Variants in CYP2B6 observed in about 807,000 individuals in gnomAD.
CYP2B6 encodes cytochrome P450 2B6.
In CYP2B6, 35 loss-of-function variants were observed where a neutral mutation model predicts 43.4. The observed-to-expected ratio is 0.81, with a 90% confidence interval of 0.62 to 1.07. The LOEUF (loss-of-function observed/expected upper bound fraction) is 1.07, where lower values mean the gene tolerates loss of function less well. Among genes scored for constraint, CYP2B6 ranks in the 50% least tolerant of loss-of-function variants. The pLI is 0.00. For synonymous variants in CYP2B6, 239 were observed against 239.2 expected (o/e 1.00, Z 0.01); for missense variants, 624 against 632.8 (o/e 0.99, Z 0.15).
chr19:41,000,216 G>A (rs1293556603), intron 1 of CYP2B6, among the ~76,000 whole-genome samples: 1 of 152,064 alleles, frequency 6.6e-6, no homozygotes, highest in African/African-American at 2.4e-5. Flanking sequence ...CCCATCATAT[G>A]CTCTCATACA....
At chr19:41,006,857 T>C (rs367886616) in intron 3 of CYP2B6, 48 bp from the exon 4 acceptor site, 2 of 1,576,642 alleles carry the variant, frequency 1.3e-6, no homozygotes, top group Non-Finnish European at 1.7e-6. Context: ...CAGCCTGATG[T>C]TCCCCAGGCA....
At chr19:41,010,329 G>A (rs539428659) in intron 6 of CYP2B6, among the ~76,000 whole-genome samples, 194 bp downstream of exon 6, 1 of 151,954 alleles carries the variant, frequency 6.6e-6, no homozygotes, top group Non-Finnish European at 1.5e-5. Context: ...CTGTCCATGC[G>A]TTCTCCCACT....
chr19:41,009,276 T>C lies in CYP2B6; in HGVS notation c.703T>C (p.Tyr235His). 6.2e-7 allele frequency: 1 copy of C among 1,613,006 alleles called. No homozygotes were observed. Among genetic ancestry groups the C allele is most frequent in the Non-Finnish European group, 8.5e-7 (1 of 1,179,498 alleles). The change falls in exon 5 of 9, where the codon TAC (tyrosine) becomes CAC (histidine). Residue 235 changes from tyrosine to histidine, a missense_variant. Tyr to His is a moderately conservative substitution (Grantham distance 83). Transcript: ENST00000324071. ...CTTTCCTGGGGCACACAGGCAAGTTTACAAAAACCTGCAGGAAATCAATGC... is the reference window on the plus strand; with the variant it reads ...CTTTCCTGGGGCACACAGGCAAGTTCACAAAAACCTGCAGGAAATCAATGC... ...KYFPGAHRQVYKNLQEINAYI... is the reference protein window; with the variant it reads ...KYFPGAHRQVHKNLQEINAYI...
chr19:41,013,189 T>A (rs1969311317), intron 8 of CYP2B6, among the ~76,000 whole-genome samples: 1 of 152,048 alleles, frequency 6.6e-6, no homozygotes, highest in South Asian at 2.1e-4. Flanking sequence ...AAATTTAAAG[T>A]CCAGCAGGGA....
Position 40,993,843 on chromosome 19 carries a change from C to G in CYP2B6, c.171+2367C>G, listed in dbSNP as rs567222010. Among the ~76,000 whole-genome samples the G allele has an allele frequency of 5.3e-5, 8 of 152,174 alleles. 1 individual carries two copies. The South Asian group carries it at 1.7e-3, about 32-fold the overall frequency. ...AGTGAATTCACTGGAAAGATAAGAG[C>G]AATATTTGGTTTTCTTCAGCACCAT... is the stretch of plus-strand genomic sequence containing the variant. On this transcript the variant is annotated intron_variant, in intron 1 of 8. Coordinates refer to ENST00000324071, the MANE Select transcript of CYP2B6 (RefSeq NM_000767.5).
At chr19:41,001,044 A>C (rs560940146) in intron 1 of CYP2B6, among the ~76,000 whole-genome samples, 1 of 152,132 alleles carries the variant, frequency 6.6e-6, no homozygotes, top group Non-Finnish European at 1.5e-5. Flanking sequence ...CATCTCAAAA[A>C]AAACCCAAAC....
In CYP2B6 at chr19:41,004,044, C is replaced by G. The variant is rs750775491; in HGVS notation, c.215C>G (p.Pro72Arg). Residue 72 changes from proline (P) to arginine (R), a missense_variant, in exon 2 of 9, where the codon CCG (proline) becomes CGG (arginine). By Grantham distance (103) the Pro-to-Arg change is moderately radical. Coordinates refer to ENST00000324071, the MANE Select transcript of CYP2B6 (RefSeq NM_000767.5). The part of the protein sequence containing the change: ...YGDVFTVHLG[P>R]RPVVMLCGVE... ...GACGTCTTCACGGTACACCTGGGAC[C>G]GAGGCCCGTGGTCATGCTGTGTGGA... 9 of 1,613,468 alleles carry G rather than the reference C, an allele frequency of 5.6e-6. No individual in the cohort carries two copies. The East Asian group carries it at 6.7e-5, about 12-fold the overall frequency.
intron 8 of CYP2B6, among the ~76,000 whole-genome samples, chr19:41,015,125 CAGAGAA>C (rs1969341822): frequency 6.6e-6 from 1 of 152,018 alleles, no homozygotes; most frequent in Non-Finnish European, 1.5e-5. Context: ...CAGGTATAGA[CAGAGAA>C]AAAGACAGGA....
At chr19:41,006,720 C>T (rs28399488) in intron 3 of CYP2B6, among the ~76,000 whole-genome samples, 185 bp from the exon 4 acceptor site, 1 of 152,096 alleles carries the variant, frequency 6.6e-6, no homozygotes, top group African/African-American at 2.4e-5. Flanking sequence ...ATTGCATCTG[C>T]CTCACATTGT....
chr19:41,012,623 G>A lies in CYP2B6; in HGVS notation c.1153-51G>A. ...TGTATTTCTTTTTTGTGGAGTGTGT[G>A]GAGGGTTGGAGGGAATGGCAATATC... On this transcript the variant is annotated intron_variant, in intron 7 of 8. Transcript: ENST00000324071. 1.9e-6 allele frequency: 3 copies of A among 1,612,538 alleles called. No homozygotes were observed. The East Asian group carries it at 6.7e-5, about 36-fold the overall frequency.
Position 41,004,406 on chromosome 19 carries a change from G to A in CYP2B6, c.444G>A (p.Glu148=), listed in dbSNP as rs145884402. The part of the protein sequence containing the change: ...GKRSVEERIQ[E]EAQCLIEELR... The stretch of plus-strand genomic sequence containing the variant: ...GGAGTGTGGAGGAGCGGATTCAGGA[G>A]GAGGCTCAGTGTCTGATAGAGGAGC... The change falls in exon 3 of 9, where the codon GAG becomes GAA. Residue 148 remains glutamate, a synonymous_variant. Transcript: ENST00000324071. The A allele has an allele frequency of 4.1e-5, 66 of 1,614,016 alleles. No individual in the cohort carries two copies. The African/African-American group carries it at 7.1e-4, about 17-fold the overall frequency.
chr19:40,993,544 A>T (rs2144656532), intron 1 of CYP2B6, among the ~76,000 whole-genome samples: 1 of 152,290 alleles, frequency 6.6e-6, no homozygotes, highest in Middle Eastern at 3.4e-3. Context: ...TCACAAGAAC[A>T]GCATGGGGGA....
intron 7 of CYP2B6, 74 bp from the exon 8 acceptor site, chr19:41,012,600 T>C (rs1442927731): frequency 1.2e-6 from 2 of 1,612,002 alleles, no homozygotes; most frequent in East Asian, 4.5e-5. Flanking sequence ...TTGTTTTTTG[T>C]ATTTCTTTTT....
At position 41,017,564 on chromosome 19, in the gene CYP2B6, G is replaced by T. The variant is rs1308368117; in HGVS notation, c.*737G>T. ...TGTCCACTGCAACCTCCACATCCTGGGTTCAAGTGATTCTCCTGCCTCAGC... is the reference window on the plus strand; with the variant it reads ...TGTCCACTGCAACCTCCACATCCTGTGTTCAAGTGATTCTCCTGCCTCAGC... On this transcript the variant is annotated 3_prime_UTR_variant, in exon 9 of 9. Coordinates refer to ENST00000324071, the MANE Select transcript of CYP2B6 (RefSeq NM_000767.5). 1 of 151,908 alleles carries T rather than the reference G, an allele frequency of 6.6e-6. No individual in the cohort carries two copies. Among genetic ancestry groups the T allele is most frequent in the East Asian group, 1.9e-4 (1 of 5,162 alleles). 9.4% of individuals were successfully genotyped at this position (151,908 alleles called of 1,614,324 possible).
At chr19:40,998,339 G>A (rs901666352) in intron 1 of CYP2B6, among the ~76,000 whole-genome samples, 3 of 152,152 alleles carry the variant, frequency 2.0e-5, no homozygotes, top group South Asian at 2.1e-4. Context: ...TATGGTCATT[G>A]AATATCCCAA....
At chr19:41,004,757 G>A (rs1872121) in intron 3 of CYP2B6, among the ~76,000 whole-genome samples, 8,376 of 152,082 alleles carry the variant, frequency 0.055, 809 homozygotes, top group African/African-American at 0.19. Context: ...GGGAAGCTCA[G>A]GCAGGAGGAT....
rs752106347 is a variant in CYP2B6, at chr19:41,000,573, C to A, written c.172-3428C>A. On this transcript the variant is annotated intron_variant, in intron 1 of 8. Coordinates refer to ENST00000324071, the MANE Select transcript of CYP2B6 (RefSeq NM_000767.5). ...AAAGGTCCCAAGTGCCTATTGTTTT[C>A]TTTTCATCATTTTCCATGTGTGACA... Among the ~76,000 whole-genome samples, 4 of 152,146 alleles carry A rather than the reference C, an allele frequency of 2.6e-5. No individual in the cohort carries two copies. The East Asian group carries it at 7.7e-4, about 29-fold the overall frequency.
At chr19:41,013,867 C>A (rs1969322266) in intron 8 of CYP2B6, among the ~76,000 whole-genome samples, 1 of 152,176 alleles carries the variant, frequency 6.6e-6, no homozygotes, top group African/African-American at 2.4e-5. Flanking sequence ...CACTATTTAT[C>A]CACAGGGAAA....
intron 1 of CYP2B6, among the ~76,000 whole-genome samples, chr19:40,995,375 GAGA>G (rs1262627687): frequency 6.6e-6 from 1 of 152,140 alleles, no homozygotes; most frequent in African/African-American, 2.4e-5. Context: ...TTTTGCTACA[GAGA>G]AGAACTTGGC....
Sources: allele counts gnomAD v4.1 joint callset (sites outside exome capture counted in the v4.1 genomes callset), GRCh38; gene constraint gnomAD v4.1.1; transcripts MANE v1.5; gene names NCBI Gene and HGNC (gene_info 2026-07-23, HGNC 2026-07-21).